Variants in TMEM45A observed in about 807,000 individuals in gnomAD.
The protein encoded by TMEM45A is transmembrane protein 45A.
A neutral mutation model predicts 32.0 loss-of-function variants in TMEM45A; 25 were observed. The observed-to-expected ratio is 0.78, with a 90% CI of 0.57 to 1.09. The LOEUF (loss-of-function observed/expected upper bound fraction) is 1.09. Among genes scored for constraint, TMEM45A ranks in the 50% least tolerant of loss-of-function variants. The pLI is 0.00. For missense variants in TMEM45A, 302 were observed against 325.0 expected (o/e 0.93, Z 0.54); for synonymous variants, 122 against 114.8 (o/e 1.06, Z -0.40).
chr3:100,572,598 A>G (rs957873368), intron 5 of TMEM45A: 1 of 151,786 alleles, frequency 6.6e-6, no homozygotes, highest in African/African-American at 2.4e-5. Flanking sequence ...GAAGCTCTTT[A>G]GTTTAATTAG....
chr3:100,531,336 A>G (rs74783459), intron 1 of TMEM45A, among the ~76,000 whole-genome samples: 1,741 of 152,156 alleles, frequency 0.011, 24 homozygotes, highest in African/African-American at 0.039. Flanking sequence ...CAAGCTTTCT[A>G]TTATAATAAT....
At chr3:100,538,436 A>G (rs774561687) in intron 1 of TMEM45A, among the ~76,000 whole-genome samples, 6 of 152,218 alleles carry the variant, frequency 3.9e-5, no homozygotes, top group African/African-American at 7.2e-5. Flanking sequence ...TATCTACACA[A>G]AACCTACAGC....
At chr3:100,565,556 G>A (rs1177947706) in intron 4 of TMEM45A, among the ~76,000 whole-genome samples, 1 of 151,992 alleles carries the variant, frequency 6.6e-6, no homozygotes, top group Non-Finnish European at 1.5e-5. Flanking sequence ...AGATAATAAG[G>A]ATAATAATAC....
At chr3:100,495,795 T>C (rs1707915855) in intron 1 of TMEM45A, among the ~76,000 whole-genome samples, 1 of 152,098 alleles carries the variant, frequency 6.6e-6, no homozygotes, top group Non-Finnish European at 1.5e-5. Context: ...GGTCTGGTGC[T>C]CAGGGCAGTT....
chr3:100,564,021 C>G (rs1268445752), intron 4 of TMEM45A, among the ~76,000 whole-genome samples: 2 of 152,124 alleles, frequency 1.3e-5, no homozygotes, highest in African/African-American at 4.8e-5. Context: ...TGAGGCACAG[C>G]GGCAGTGATG....
chr3:100,514,294 C>T lies in TMEM45A; in HGVS notation c.-4+21366C>T, dbSNP rs1430480734. On this transcript the variant is annotated intron_variant, in intron 1 of 5. Transcript: ENST00000323523. ...AAAACAGAGATATAGATGAATGGAACAGAACAGAGCCCTCAGAAATAACGC... is the reference window on the plus strand; with the variant it reads ...AAAACAGAGATATAGATGAATGGAATAGAACAGAGCCCTCAGAAATAACGC... Among the ~76,000 whole-genome samples the T allele has an allele frequency of 2.0e-5, 3 of 152,088 alleles. No individual in the cohort carries two copies. In the East Asian group the frequency reaches 5.8e-4, roughly 29 times the overall value.
intron 1 of TMEM45A, among the ~76,000 whole-genome samples, chr3:100,501,291 TA>T (rs1232647530): frequency 1.3e-5 from 2 of 152,210 alleles, no homozygotes; most frequent in Non-Finnish European, 2.9e-5. Flanking sequence ...GTGGAATATT[TA>T]AAAAATACAC....
intron 1 of TMEM45A, among the ~76,000 whole-genome samples, chr3:100,497,155 C>T (rs1275789255): frequency 6.6e-6 from 1 of 152,146 alleles, no homozygotes; most frequent in Non-Finnish European, 1.5e-5. Context: ...TGTAGTTGCT[C>T]TTTTCAGTAT....
Position 100,577,233 on chromosome 3 carries a change from C to T in TMEM45A, c.*215C>T, listed in dbSNP as rs1046915496. The T allele has an allele frequency of 1.8e-5, 8 of 443,212 alleles. No homozygotes were observed. Among genetic ancestry groups the T allele is most frequent in the Non-Finnish European group, 2.4e-5 (6 of 250,402 alleles). 27.5% of individuals were successfully genotyped at this position (443,212 alleles called of 1,614,324 possible). A position where few individuals can be genotyped will look rare whatever the true frequency, so the allele number is the denominator to read the frequency against. ...ATACTTTCATTTTGCACATCATGCA[C>T]ATCATGGTATTCAGGGGCTAGAGTG... On this transcript the variant is annotated 3_prime_UTR_variant, in exon 6 of 6. Transcript: ENST00000323523.
chr3:100,563,270 C>T lies in TMEM45A; in HGVS notation c.588+4681C>T, dbSNP rs143150479. Among the ~76,000 whole-genome samples the T allele has an allele frequency of 1.1e-4, 16 of 152,284 alleles. No homozygotes were observed. In the East Asian group the frequency reaches 2.5e-3, roughly 24 times the overall value. On this transcript the variant is annotated intron_variant, in intron 4 of 5. Coordinates refer to ENST00000323523, the MANE Select transcript of TMEM45A (RefSeq NM_018004.3). ...TTCACATGGCCTTCTTATAAGGATG[C>T]CAGTCTTTGGGTTTAGAGCCAACTC... is the stretch of plus-strand genomic sequence containing the variant.
At chr3:100,557,960 A>G (rs530361461) in intron 3 of TMEM45A, among the ~76,000 whole-genome samples, 1 of 152,168 alleles carries the variant, frequency 6.6e-6, no homozygotes, top group Non-Finnish European at 1.5e-5. Flanking sequence ...GCTTTGACTT[A>G]TTCATCTGTG....
chr3:100,493,966 A>G (rs1269169153), intron 1 of TMEM45A, among the ~76,000 whole-genome samples: 4 of 152,198 alleles, frequency 2.6e-5, no homozygotes, highest in Non-Finnish European at 5.9e-5. Context: ...TCCTGACCTC[A>G]GGTTATGTGC....
At chr3:100,574,123 T>G (rs1221565873) in intron 5 of TMEM45A, 2 of 152,178 alleles carry the variant, frequency 1.3e-5, no homozygotes, top group African/African-American at 4.8e-5. Flanking sequence ...TGAAATGAGT[T>G]AGGGAGGATT....
chr3:100,502,782 T>C (rs1708023559), intron 1 of TMEM45A, among the ~76,000 whole-genome samples: 1 of 152,174 alleles, frequency 6.6e-6, no homozygotes, highest in African/African-American at 2.4e-5. Flanking sequence ...AAATACTTTA[T>C]ATTAATGAAA....
intron 1 of TMEM45A, among the ~76,000 whole-genome samples, chr3:100,500,649 C>T (rs1299949289): frequency 1.3e-5 from 2 of 152,336 alleles, no homozygotes; most frequent in Middle Eastern, 6.8e-3. Flanking sequence ...CACCCATCAC[C>T]GCTTCTGAGC....
chr3:100,553,273 T>C (rs1398649409), intron 1 of TMEM45A, among the ~76,000 whole-genome samples: 1 of 152,164 alleles, frequency 6.6e-6, no homozygotes, highest in African/African-American at 2.4e-5. Flanking sequence ...ATAATCCAAA[T>C]TCAAAGCCCC....
At chr3:100,516,214 G>T (rs970212661) in intron 1 of TMEM45A, among the ~76,000 whole-genome samples, 2 of 152,150 alleles carry the variant, frequency 1.3e-5, no homozygotes, top group African/African-American at 4.8e-5. Flanking sequence ...CATACTCCTG[G>T]ACATGATAGT....
At chr3:100,552,292 A>T (rs1706122708) in intron 1 of TMEM45A, among the ~76,000 whole-genome samples, 1 of 152,132 alleles carries the variant, frequency 6.6e-6, no homozygotes. Flanking sequence ...CTTTCATAAT[A>T]TGGTAATGGT....
At chr3:100,555,077 A>T in intron 1 of TMEM45A, 132 bp from the exon 2 acceptor site, 1 of 758,520 alleles carries the variant, frequency 1.3e-6, no homozygotes, top group East Asian at 2.5e-5. Context: ...GTAATGTAGG[A>T]TCCTCAGAAT....
Sources: gnomAD v4.1 joint callset for allele counts (sites outside exome capture counted in the v4.1 genomes callset) on GRCh38, gnomAD v4.1.1 for gene constraint, MANE v1.5 for transcripts, NCBI Gene and HGNC (gene_info 2026-07-23, HGNC 2026-07-21) for gene names.